PATJ: variants seen among roughly 807,000 people sequenced by gnomAD.
PATJ encodes PATJ crumbs cell polarity complex component.
PATJ carries 190 observed loss-of-function variants against 224.9 expected under a neutral mutation model. The ratio of observed to expected loss-of-function variants is 0.84; its 90% CI spans 0.75 to 0.95. PATJ has a LOEUF of 0.95. PATJ is among the 40% of genes least tolerant of loss of function. PATJ has a pLI of 0.00. For synonymous variants in PATJ, 769 were observed against 820.3 expected, an observed-to-expected ratio of 0.94 and a Z score of 1.07; for missense variants, 2,121 against 2,270.3, an observed-to-expected ratio of 0.93 and a Z score of 1.34.
rs1558092520 is a variant in PATJ, at chr1:62,048,565, A to AG, written c.4033-2401_4033-2400insG. On this transcript the variant is annotated intron_variant, in intron 30 of 43. Coordinates refer to ENST00000642238, the MANE Select transcript of PATJ (RefSeq NM_001350145.3). ...TGTCTCAAAAAAAAAAAAAAAAAAA[A>AG]AAAAAGAAAAAGAAAGAAAAGAAAA... 3.3e-5 allele frequency among the ~76,000 whole-genome samples: 5 copies of AG among 149,906 alleles called. No homozygotes were observed. The Admixed American group carries it at 3.3e-4, about 10-fold the overall frequency.
chr1:61,994,357 C>T (rs1001096342), intron 28 of PATJ, among the ~76,000 whole-genome samples: 3 of 152,078 alleles, frequency 2.0e-5, no homozygotes, highest in Non-Finnish European at 4.4e-5. Context: ...CATAGCAATA[C>T]CTTAATACAT....
intron 1 of PATJ, among the ~76,000 whole-genome samples, chr1:61,752,890 A>G (rs182107272): frequency 2.0e-5 from 3 of 152,318 alleles, no homozygotes; most frequent in African/African-American, 7.2e-5. Flanking sequence ...GGTATTTAGA[A>G]AAGTCTTGTT....
intron 37 of PATJ, among the ~76,000 whole-genome samples, chr1:62,120,696 C>CT (rs1268822235): frequency 2.0e-5 from 3 of 152,066 alleles, no homozygotes; most frequent in Non-Finnish European, 2.9e-5. Context: ...AGATTTGGTG[C>CT]TTTTTTCCCC....
intron 30 of PATJ, among the ~76,000 whole-genome samples, chr1:62,049,086 A>G (rs1653093992): frequency 6.6e-6 from 1 of 151,878 alleles, no homozygotes; most frequent in South Asian, 2.1e-4. Flanking sequence ...TGCTTTCTTT[A>G]ATTTTTTTTT....
Position 61,986,482 on chromosome 1 carries a change from A to T in PATJ, c.3671-3686A>T, listed in dbSNP as rs113041404. Among the ~76,000 whole-genome samples, 9 of 152,194 alleles carry T rather than the reference A, an allele frequency of 5.9e-5. 1 individual carries two copies. The highest frequency in any genetic ancestry group is 2.2e-4 in the African/African-American group (9 of 41,444). On this transcript the variant is annotated intron_variant, in intron 27 of 43. Coordinates refer to ENST00000642238, the MANE Select transcript of PATJ (RefSeq NM_001350145.3). ...GTAGCCCAGGCTAAAGTGCAGTAGT[A>T]CAGTCATGGCTCATTGTAACCTTGA...
chr1:61,986,947 C>CT (rs61639925), intron 27 of PATJ, among the ~76,000 whole-genome samples: 19,906 of 150,704 alleles, frequency 0.13, 2,525 homozygotes, highest in East Asian at 0.39. Flanking sequence ...AGTTATAATA[C>CT]TTTTTTTTTA....
intron 29 of PATJ, among the ~76,000 whole-genome samples, chr1:62,023,610 A>G (rs61775628): frequency 0.14 from 21,796 of 152,210 alleles, 1,684 homozygotes; most frequent in Middle Eastern, 0.24. Context: ...ATGGGAAGAT[A>G]TCACAGAGAA....
chr1:61,904,655 T>A (rs1396970026), intron 24 of PATJ, among the ~76,000 whole-genome samples: 1 of 152,232 alleles, frequency 6.6e-6, no homozygotes, highest in Non-Finnish European at 1.5e-5. Flanking sequence ...AGAGGTTTAA[T>A]TGACTCACAG....
chr1:62,085,002 C>T (rs1659781776), intron 33 of PATJ, among the ~76,000 whole-genome samples: 1 of 152,086 alleles, frequency 6.6e-6, no homozygotes, highest in Non-Finnish European at 1.5e-5. Context: ...TGGCTCACGC[C>T]TGTAATCCCA....
chr1:62,088,580 T>A (rs1421753363), intron 33 of PATJ, among the ~76,000 whole-genome samples: 1 of 152,134 alleles, frequency 6.6e-6, no homozygotes, highest in Non-Finnish European at 1.5e-5. Flanking sequence ...CTTCTTAACC[T>A]CTCAGTCTAT....
intron 43 of PATJ, 146 bp downstream of exon 43, chr1:62,153,627 C>T: frequency 2.2e-6 from 1 of 459,368 alleles, no homozygotes. Context: ...GAAATTCTCA[C>T]ACAGGAATAG....
chr1:62,118,560 A>T (rs1348403602), intron 37 of PATJ, among the ~76,000 whole-genome samples: 4 of 152,212 alleles, frequency 2.6e-5, no homozygotes, highest in Non-Finnish European at 4.4e-5. Context: ...GGACTGATCG[A>T]TAGGTAAGGT....
chr1:61,884,217 C>T lies in PATJ; in HGVS notation c.2960-20C>T. ...AATGAGTGCCTCTTGTGTTCACTGT[C>T]ATCTGGATTTGCTCTTCAGGCATGA... is the stretch of plus-strand genomic sequence containing the variant. On this transcript the variant is annotated intron_variant, in intron 21 of 43. Transcript: ENST00000642238. The T allele has an allele frequency of 6.4e-7, 1 of 1,566,708 alleles. No homozygotes were observed. Among genetic ancestry groups the T allele is most frequent in the South Asian group, 1.2e-5 (1 of 81,602 alleles).
At chr1:61,874,234 C>G (rs1161201385) in intron 20 of PATJ, among the ~76,000 whole-genome samples, 1 of 150,796 alleles carries the variant, frequency 6.6e-6, no homozygotes, top group Non-Finnish European at 1.5e-5. Context: ...GACAGTGTCT[C>G]TCTGTCACTC....
chr1:61,985,516 A>G (rs985974186), intron 27 of PATJ, among the ~76,000 whole-genome samples: 2 of 152,084 alleles, frequency 1.3e-5, no homozygotes, highest in Non-Finnish European at 2.9e-5. Context: ...ATACATTCAC[A>G]TTGTACAACC....
intron 20 of PATJ, among the ~76,000 whole-genome samples, chr1:61,871,557 ATTT>A (rs71582650): frequency 0.046 from 2,536 of 54,774 alleles, 75 homozygotes; most frequent in East Asian, 0.2. Flanking sequence ...ATATATATAT[ATTT>A]TTTTTTTTTT....
At chr1:62,005,936 G>T (rs1015304445) in intron 28 of PATJ, among the ~76,000 whole-genome samples, 2 of 152,020 alleles carry the variant, frequency 1.3e-5, no homozygotes, top group African/African-American at 2.4e-5. Flanking sequence ...ATATTATGAC[G>T]TGATATTCAC....
At chr1:62,153,852 C>T (rs1371914344) in intron 43 of PATJ, among the ~76,000 whole-genome samples, 1 of 152,150 alleles carries the variant, frequency 6.6e-6, no homozygotes, top group East Asian at 1.9e-4. Context: ...TAACAGGCAC[C>T]AGGGGGCTGA....
intron 17 of PATJ, among the ~76,000 whole-genome samples, chr1:61,834,752 AT>A (rs888777364): frequency 6.6e-6 from 1 of 151,952 alleles, no homozygotes; most frequent in Non-Finnish European, 1.5e-5. Context: ...TATTTTATTT[AT>A]TTTTTTTGAG....
Sources: gnomAD v4.1 joint callset for allele counts (sites outside exome capture counted in the v4.1 genomes callset) on GRCh38, gnomAD v4.1.1 for gene constraint, MANE v1.5 for transcripts, NCBI Gene and HGNC (gene_info 2026-07-23, HGNC 2026-07-21) for gene names.